The following OCA2 variants were observed in gnomAD, a reference collection of about 807,000 sequenced individuals.
OCA2 encodes the protein P protein.
Under a neutral mutation model 100.2 loss-of-function variants are expected in OCA2, and 77 were observed. That is an observed-to-expected ratio of 0.77 (90% CI 0.64 to 0.93). The LOEUF (loss-of-function observed/expected upper bound fraction) is 0.93, where lower values mean the gene tolerates loss of function less well. Among genes scored for constraint, OCA2 ranks in the 40% least tolerant of loss-of-function variants. The pLI, the probability that OCA2 is intolerant of heterozygous loss-of-function variation, is 0.00. For missense variants in OCA2, 1,062 were observed against 1,089.1 expected (o/e 0.98, Z 0.35); for synonymous variants, 432 against 439.2 (o/e 0.98, Z 0.21).
intron 9 of OCA2, among the ~76,000 whole-genome samples, chr15:28,006,359 T>C (rs2042092375): frequency 6.6e-6 from 1 of 152,286 alleles, no homozygotes; most frequent in Admixed American, 6.5e-5. Flanking sequence ...AAGAGAGCCA[T>C]CCAGGAGGCG....
the OCA2 span, among the ~76,000 whole-genome samples, chr15:27,724,185 G>A: frequency 1.3e-5 from 2 of 152,174 alleles, no homozygotes; most frequent in East Asian, 3.9e-4. Context: ...GCTGTAACAA[G>A]ATACTGCAGA....
rs2041235273 is a variant in OCA2 at position 27,983,428 on chromosome 15, A to G, written c.1420T>C (p.Phe474Leu). ...PRQVLIAEVI[F>L]TNIGGAATAI... ...GTGGCAGCTCCTCCAATGTTTGTGA[A>G]GATCACTTCTGCAATCAGGACTTGT... Residue 474 changes from phenylalanine to leucine, a missense_variant, in exon 14 of 24, where the codon TTC (phenylalanine) becomes CTC (leucine). Phe to Leu is a conservative substitution (Grantham distance 22). Transcript: ENST00000354638. The G allele has an allele frequency of 1.9e-6, 3 of 1,614,086 alleles. No individual in the cohort carries two copies. Among genetic ancestry groups the G allele is most frequent in the South Asian group, 2.2e-5 (2 of 91,084 alleles).
At chr15:27,912,128 G>A (rs530695232) in intron 19 of OCA2, among the ~76,000 whole-genome samples, 1 of 152,324 alleles carries the variant, frequency 6.6e-6, no homozygotes, top group South Asian at 2.1e-4. Context: ...AATATGATCT[G>A]AAGGTTTTAA....
rs547148386 is a variant in OCA2, at chr15:27,985,039, C to A, written c.1364+25G>T. The stretch of plus-strand genomic sequence containing the variant: ...TGCCTGCCAGAACCTGGCCGCAACT[C>A]CCACGGCAGAGGTGCTTTGCGTACC... On this transcript the variant is annotated intron_variant, in intron 13 of 23. Transcript: ENST00000354638. 3.3e-5 allele frequency: 53 copies of A among 1,613,438 alleles called. No homozygotes were observed. The African/African-American group carries it at 5.5e-4, about 17-fold the overall frequency.
At chr15:27,745,292 T>A in the OCA2 span, among the ~76,000 whole-genome samples, 11,822 of 152,194 alleles carry the variant, frequency 0.078, 1,449 homozygotes, top group African/African-American at 0.26. Context: ...CATGGGGAGA[T>A]GTGCTCTGTT....
intron 2 of OCA2, among the ~76,000 whole-genome samples, chr15:28,076,665 G>A (rs2141847573): frequency 6.6e-6 from 1 of 151,106 alleles, no homozygotes; most frequent in East Asian, 2.0e-4. Context: ...GGCTAACAAG[G>A]TGAAACCCCG....
chr15:27,983,574 G>T, intron 13 of OCA2, 91 bp from the exon 14 acceptor site: 4 of 1,394,290 alleles, frequency 2.9e-6, no homozygotes, highest in Non-Finnish European at 4.1e-6. Context: ...GCGCTTGCTC[G>T]TATAAGGGAG....
chr15:27,927,710 T>C (rs771070801), intron 18 of OCA2, among the ~76,000 whole-genome samples: 3 of 151,986 alleles, frequency 2.0e-5, no homozygotes, highest in Non-Finnish European at 2.9e-5. Context: ...ATTTTAGACA[T>C]TCCAATGGTT....
intron 23 of OCA2, among the ~76,000 whole-genome samples, chr15:27,827,312 G>A (rs2034767818): frequency 6.6e-6 from 1 of 152,166 alleles, no homozygotes; most frequent in South Asian, 2.1e-4. Context: ...GAAACAAGCT[G>A]AACGGCAAGC....
chr15:27,764,616 C>T (rs1488047743), intron 23 of OCA2, among the ~76,000 whole-genome samples: 3 of 152,170 alleles, frequency 2.0e-5, no homozygotes, highest in African/African-American at 7.2e-5. Context: ...CTACGGCCAC[C>T]CCAGAGCCAC....
intron 23 of OCA2, among the ~76,000 whole-genome samples, chr15:27,774,641 A>G (rs1222096624): frequency 1.3e-5 from 2 of 152,222 alleles, no homozygotes; most frequent in Non-Finnish European, 2.9e-5. Context: ...TTGAAGCCCT[A>G]GCCCCCAGGA....
rs868098120 is a variant in OCA2 at position 27,871,153 on chromosome 15, C to T, written c.2244+1G>A. On this transcript the variant is annotated splice_donor_variant, in intron 21 of 23. Transcript: ENST00000354638. LOFTEE classifies it high-confidence loss of function. ...CGTCGACATGGACATGTGCAACTCA[C>T]CATGGTAGCAGTGAACGGGATGTTG... The T allele has an allele frequency of 6.2e-7, 1 of 1,610,892 alleles. No individual in the cohort carries two copies. The highest frequency in any genetic ancestry group is 8.5e-7 in the Non-Finnish European group (1 of 1,177,020).
At chr15:27,883,898 T>C (rs561029550) in intron 19 of OCA2, among the ~76,000 whole-genome samples, 3 of 152,292 alleles carry the variant, frequency 2.0e-5, no homozygotes, top group African/African-American at 7.2e-5. Context: ...ACCTCTAAAA[T>C]ATATTGAAAG....
At chr15:28,025,495 C>G (rs1191639832) in intron 4 of OCA2, among the ~76,000 whole-genome samples, 1 of 152,186 alleles carries the variant, frequency 6.6e-6, no homozygotes, top group African/African-American at 2.4e-5. Context: ...TAACCATGAC[C>G]CCCAAGGCCC....
intron 19 of OCA2, among the ~76,000 whole-genome samples, chr15:27,891,871 T>C (rs1040392882): frequency 1.3e-5 from 2 of 151,968 alleles, no homozygotes; most frequent in Non-Finnish European, 2.9e-5. Flanking sequence ...CCCAACTATA[T>C]GCTGGAAAAA....
At chr15:27,923,534 G>A (rs1244865606) in intron 19 of OCA2, among the ~76,000 whole-genome samples, 2 of 152,108 alleles carry the variant, frequency 1.3e-5, no homozygotes, top group Non-Finnish European at 2.9e-5. Flanking sequence ...GTTATTTGTT[G>A]ACTCTTTAAT....
chr15:27,832,211 C>T (rs539929859), intron 23 of OCA2, among the ~76,000 whole-genome samples: 4 of 152,290 alleles, frequency 2.6e-5, no homozygotes, highest in African/African-American at 9.6e-5. Flanking sequence ...TTGTCCACCT[C>T]CAAACCCTAC....
intron 19 of OCA2, among the ~76,000 whole-genome samples, chr15:27,885,097 T>C (rs995753197): frequency 1.3e-5 from 2 of 152,232 alleles, no homozygotes; most frequent in Admixed American, 1.3e-4. Flanking sequence ...ACATGACTTA[T>C]GTTATAAGCC....
At chr15:27,819,881 G>A (rs1037088617) in intron 23 of OCA2, among the ~76,000 whole-genome samples, 1 of 152,126 alleles carries the variant, frequency 6.6e-6, no homozygotes, top group African/African-American at 2.4e-5. Flanking sequence ...AGGCTTCTTG[G>A]AGAAACGTTG....
Sources: gnomAD v4.1 joint callset for allele counts (sites outside exome capture counted in the v4.1 genomes callset) on GRCh38, gnomAD v4.1.1 for gene constraint, MANE v1.5 for transcripts, NCBI Gene and HGNC (gene_info 2026-07-23, HGNC 2026-07-21) for gene names.